Variants in RNLS observed in about 807,000 individuals in gnomAD.
RNLS encodes the protein renalase.
In RNLS, 39 loss-of-function variants were observed where a neutral mutation model predicts 39.8. The observed-to-expected ratio is 0.98, with a 90% CI of 0.76 to 1.28. The LOEUF is 1.28. RNLS is among the 50% of genes most tolerant of loss of function. The pLI, the probability that RNLS is intolerant of heterozygous loss-of-function variation, is 0.00. For missense variants in RNLS, 410 were observed against 413.3 expected, an observed-to-expected ratio of 0.99 and a Z score of 0.07; for synonymous variants, 147 against 150.7, an observed-to-expected ratio of 0.98 and a Z score of 0.18.
chr10:88,362,214 A>AAAC (rs1403701375), intron 5 of RNLS, among the ~76,000 whole-genome samples: 1 of 152,196 alleles, frequency 6.6e-6, no homozygotes, highest in Non-Finnish European at 1.5e-5. Flanking sequence ...AAACAAACAA[A>AAAC]AACAAACTTC....
Position 88,362,626 on chromosome 10 carries a change from G to C in RNLS, c.626C>G (p.Pro209Arg). The change falls in exon 5 of 7, where the codon CCT becomes CGT. Residue 209 changes from proline to arginine, a missense_variant. By Grantham distance (103) the Pro-to-Arg change is moderately radical. Coordinates refer to ENST00000331772, the MANE Select transcript of RNLS (RefSeq NM_001031709.3). ...ACTGGTGATGTACTGCCCAGCCCAA[G>C]GGACATCAATCTTCGTACCAGCTTC... ...FYEAGTKIDV[P>R]WAGQYITSNP... The C allele has an allele frequency of 4.3e-6, 7 of 1,613,912 alleles. No individual in the cohort carries two copies. The highest frequency in any genetic ancestry group is 5.9e-6 in the Non-Finnish European group (7 of 1,179,910).
At chr10:88,274,636 A>T in exon 7 of RNLS, 1 of 246,412 alleles carries the variant, frequency 4.1e-6, no homozygotes, top group South Asian at 6.2e-5. Context: ...TGTTGTGAAT[A>T]AAGCCGCTGT....
chr10:88,429,435 A>C (rs17112121), intron 4 of RNLS, among the ~76,000 whole-genome samples: 2,761 of 152,058 alleles, frequency 0.018, 37 homozygotes, highest in East Asian at 0.052. Flanking sequence ...CCTGAACAGG[A>C]ATGTTGAATA....
intron 4 of RNLS, among the ~76,000 whole-genome samples, chr10:88,377,855 C>T (rs531841600): frequency 2.0e-4 from 31 of 152,228 alleles, no homozygotes; most frequent in African/African-American, 6.5e-4. Context: ...AACATTTGTA[C>T]TTTGTAAACT....
chr10:88,213,989 T>C, the RNLS span, among the ~76,000 whole-genome samples: 4 of 152,280 alleles, frequency 2.6e-5, no homozygotes, highest in African/African-American at 9.6e-5. Flanking sequence ...GAAAGCAGCA[T>C]TGGGCACAGC....
At chr10:88,489,730 T>TGTCTGTTGG (rs1844778457) in intron 4 of RNLS, among the ~76,000 whole-genome samples, 1 of 152,172 alleles carries the variant, frequency 6.6e-6, no homozygotes, top group Admixed American at 6.6e-5. Context: ...CAAATAGCCA[T>TGTCTGTTGG]GTCTGTTGGA....
chr10:88,228,947 G>T, the RNLS span, among the ~76,000 whole-genome samples: 1 of 151,944 alleles, frequency 6.6e-6, no homozygotes, highest in East Asian at 1.9e-4. Context: ...ACTTTTCTTT[G>T]CATTCTCTAT....
At chr10:88,381,827 T>G (rs974728137) in intron 4 of RNLS, among the ~76,000 whole-genome samples, 2 of 152,118 alleles carry the variant, frequency 1.3e-5, no homozygotes, top group Admixed American at 1.3e-4. Context: ...ATCTGACCCC[T>G]GTCTGGTTTT....
At chr10:88,484,558 T>C (rs2134033447) in intron 4 of RNLS, among the ~76,000 whole-genome samples, 1 of 152,122 alleles carries the variant, frequency 6.6e-6, no homozygotes, top group African/African-American at 2.4e-5. Context: ...TTCAGTCTCA[T>C]TTCTTCTCCC....
At chr10:88,332,404 A>C (rs1847183373) in intron 5 of RNLS, among the ~76,000 whole-genome samples, 1 of 152,260 alleles carries the variant, frequency 6.6e-6, no homozygotes, top group Non-Finnish European at 1.5e-5. Context: ...CCTTCCCTTT[A>C]CATATTTCAC....
chr10:88,378,218 AT>A, intron 4 of RNLS, among the ~76,000 whole-genome samples: 1 of 152,270 alleles, frequency 6.6e-6, no homozygotes, highest in East Asian at 1.9e-4. Flanking sequence ...TAAAAAAAAA[AT>A]AAGTCTAAGA....
chr10:88,399,306 A>G (rs1007780496), intron 4 of RNLS, among the ~76,000 whole-genome samples: 5 of 152,076 alleles, frequency 3.3e-5, no homozygotes, highest in African/African-American at 1.2e-4. Context: ...AGAAATGTTC[A>G]GACAGAAACT....
chr10:88,306,793 T>C (rs1470158519), intron 6 of RNLS, among the ~76,000 whole-genome samples: 1 of 152,036 alleles, frequency 6.6e-6, no homozygotes, highest in Admixed American at 6.6e-5. Context: ...TCCAAAAATT[T>C]GAGGAGAAGG....
the RNLS span, among the ~76,000 whole-genome samples, chr10:88,198,122 C>T: frequency 6.6e-6 from 1 of 152,234 alleles, no homozygotes; most frequent in African/African-American, 2.4e-5. Context: ...AGGCCAGCAG[C>T]CCCACCCCAG....
the RNLS span, among the ~76,000 whole-genome samples, chr10:88,260,060 A>G: frequency 6.6e-6 from 1 of 152,180 alleles, no homozygotes; most frequent in Non-Finnish European, 1.5e-5. Context: ...TTTTAAGGAA[A>G]AAAAGAATTT....
chr10:88,444,598 A>T (rs1185998516), intron 4 of RNLS, among the ~76,000 whole-genome samples: 2 of 152,214 alleles, frequency 1.3e-5, no homozygotes, highest in African/African-American at 4.8e-5. Context: ...ATGGCTAACT[A>T]GAGTAACCAG....
At chr10:88,537,196 T>C (rs1847804732) in intron 4 of RNLS, among the ~76,000 whole-genome samples, 6 of 152,194 alleles carry the variant, frequency 3.9e-5, no homozygotes, top group Admixed American at 3.3e-4. Context: ...ATTAAGAATA[T>C]AACTAAAATG....
At chr10:88,457,321 G>T (rs924852509) in intron 4 of RNLS, among the ~76,000 whole-genome samples, 1 of 152,212 alleles carries the variant, frequency 6.6e-6, no homozygotes, top group Non-Finnish European at 1.5e-5. Context: ...GTGGCTAAAG[G>T]AGGTAATAAA....
chr10:88,258,161 C>G, the RNLS span, among the ~76,000 whole-genome samples: 3 of 152,026 alleles, frequency 2.0e-5, no homozygotes, highest in Non-Finnish European at 4.4e-5. Context: ...TTTTGAGAAG[C>G]TGAAAGGGGG....
Sources: gnomAD v4.1 joint callset for allele counts (sites outside exome capture counted in the v4.1 genomes callset) on GRCh38, gnomAD v4.1.1 for gene constraint, MANE v1.5 for transcripts, NCBI Gene and HGNC (gene_info 2026-07-23, HGNC 2026-07-21) for gene names.